TSPAN13: variants seen among roughly 807,000 people sequenced by gnomAD.
The protein encoded by TSPAN13 is tetraspanin-13.
Under a neutral mutation model 26.9 loss-of-function variants are expected in TSPAN13, and 18 were observed. The observed-to-expected ratio is 0.67, with a 90% CI of 0.46 to 0.99. The LOEUF is 0.99. TSPAN13 is among the 50% of genes least tolerant of loss of function. The probability of loss-of-function intolerance (pLI) is 0.00; values close to 1 mark genes in which losing one functional copy is unlikely to be tolerated. For synonymous variants in TSPAN13, 116 were observed against 98.4 expected, an observed-to-expected ratio of 1.18 and a Z score of -1.06; for missense variants, 201 against 249.6, an observed-to-expected ratio of 0.81 and a Z score of 1.31.
chr7:16,779,911 A>G (rs558519158), intron 5 of TSPAN13, among the ~76,000 whole-genome samples: 30 of 151,602 alleles, frequency 2.0e-4, no homozygotes, highest in African/African-American at 5.8e-4. Flanking sequence ...AGCTGGGACT[A>G]CAGGCGCCCG....
chr7:16,781,709 T>A (rs1784815091), intron 5 of TSPAN13, among the ~76,000 whole-genome samples: 2 of 152,148 alleles, frequency 1.3e-5, no homozygotes, highest in African/African-American at 4.8e-5. Flanking sequence ...TCAGCATATA[T>A]CCAGGGGTGA....
chr7:16,773,891 G>A (rs1229358172), intron 1 of TSPAN13, among the ~76,000 whole-genome samples: 1 of 152,150 alleles, frequency 6.6e-6, no homozygotes, highest in Non-Finnish European at 1.5e-5. Context: ...TAGGATATAT[G>A]CATCACACCC....
chr7:16,760,511 C>CA (rs1784531422), intron 1 of TSPAN13, among the ~76,000 whole-genome samples: 1 of 152,038 alleles, frequency 6.6e-6, no homozygotes, highest in Admixed American at 6.5e-5. Context: ...TGAGAGGATT[C>CA]AGTATTGGAC....
rs370383121 is a variant in TSPAN13, at chr7:16,783,517, C to T, written c.*26C>T. 11 of 1,598,748 alleles carry T rather than the reference C, an allele frequency of 6.9e-6. No homozygotes were observed. The highest frequency in any genetic ancestry group is 2.7e-5 in the African/African-American group (2 of 74,792). ...TGAGAAAACAAGGAAGATTTCCTTT[C>T]GTATTATGATCTTGTTCACTTTCTG... On this transcript the variant is annotated 3_prime_UTR_variant, in exon 6 of 6. Coordinates refer to ENST00000262067, the MANE Select transcript of TSPAN13 (RefSeq NM_014399.4).
intron 1 of TSPAN13, among the ~76,000 whole-genome samples, chr7:16,775,369 T>C (rs1784729926): frequency 6.6e-6 from 1 of 152,222 alleles, no homozygotes; most frequent in African/African-American, 2.4e-5. Flanking sequence ...TTTATAAATA[T>C]ATGAATAAAA....
Position 16,756,530 on chromosome 7 carries a change from C to T in TSPAN13, c.63+2500C>T, listed in dbSNP as rs566349935. Among the ~76,000 whole-genome samples the T allele has an allele frequency of 2.0e-4, 31 of 152,244 alleles. No homozygotes were observed. The South Asian group carries it at 2.5e-3, about 12-fold the overall frequency. On this transcript the variant is annotated intron_variant, in intron 1 of 5. Coordinates refer to ENST00000262067, the MANE Select transcript of TSPAN13 (RefSeq NM_014399.4). The stretch of plus-strand genomic sequence containing the variant: ...CTTGCTGATGAGCCTGAGATTCGTG[C>T]CACATTCATGATCAGCTCAGAAAGC...
chr7:16,758,653 T>A (rs1319857366), intron 1 of TSPAN13, among the ~76,000 whole-genome samples: 1 of 152,186 alleles, frequency 6.6e-6, no homozygotes, highest in Non-Finnish European at 1.5e-5. Context: ...GCTAAATATT[T>A]TAAAGCATGA....
At chr7:16,782,139 A>C (rs1017467513) in intron 5 of TSPAN13, among the ~76,000 whole-genome samples, 3 of 152,248 alleles carry the variant, frequency 2.0e-5, no homozygotes, top group Non-Finnish European at 4.4e-5. Flanking sequence ...TTTCATAAAG[A>C]ACTCTTTGTT....
intron 4 of TSPAN13, 69 bp downstream of exon 4, chr7:16,777,980 A>G (rs1247255581): frequency 1.2e-5 from 14 of 1,129,618 alleles, no homozygotes; most frequent in Non-Finnish European, 1.7e-5. Flanking sequence ...TGTGGAAGAA[A>G]TGGACTTTCT....
In TSPAN13 at chr7:16,779,870, C is replaced by G. The variant is rs186011533; in HGVS notation, c.540+754C>G. On this transcript the variant is annotated intron_variant, in intron 5 of 5. Transcript: ENST00000262067. ...CACTGCAAGCTCCGCCTCCCGGGTT[C>G]ACGCTATTCTCCTGTCTCAGCCTCC... Among the ~76,000 whole-genome samples, 1,260 of 151,112 alleles carry G rather than the reference C, an allele frequency of 8.3e-3. 17 individuals are homozygous for G. Among genetic ancestry groups the G allele is most frequent in the African/African-American group, 0.029 (1,186 of 41,168 alleles).
intron 1 of TSPAN13, among the ~76,000 whole-genome samples, chr7:16,770,775 C>T (rs927606634): frequency 1.3e-5 from 2 of 152,156 alleles, no homozygotes; most frequent in Non-Finnish European, 2.9e-5. Context: ...CTTTTCTCCC[C>T]CAAATGCCGT....
At chr7:16,754,058 G>A in intron 1 of TSPAN13, 28 bp downstream of exon 1, 1 of 1,609,166 alleles carries the variant, frequency 6.2e-7, no homozygotes, top group Non-Finnish European at 8.5e-7. Context: ...GTTCCTGCTC[G>A]CTTGGGGGCT....
At chr7:16,768,938 G>A (rs141347533) in intron 1 of TSPAN13, among the ~76,000 whole-genome samples, 2,265 of 152,110 alleles carry the variant, frequency 0.015, 32 homozygotes, top group African/African-American at 0.026. Context: ...GTGCAGTGGC[G>A]TGATCTTGGC....
chr7:16,754,098 C>A, intron 1 of TSPAN13, 68 bp downstream of exon 1: 1 of 1,510,926 alleles, frequency 6.6e-7, no homozygotes. Context: ...CTTTGGCTTC[C>A]CTGCCTGGTC....
intron 4 of TSPAN13, 143 bp from the exon 5 acceptor site, chr7:16,778,860 G>C: frequency 1.7e-6 from 1 of 594,794 alleles, no homozygotes; most frequent in African/African-American, 1.9e-5. Flanking sequence ...CTTGGGGGCT[G>C]TGTTAGAGAT....
chr7:16,760,621 A>G (rs1441073719), intron 1 of TSPAN13, among the ~76,000 whole-genome samples: 2 of 152,178 alleles, frequency 1.3e-5, no homozygotes, highest in African/African-American at 4.8e-5. Context: ...GTGAGGGTAG[A>G]TGGAGAAGGG....
intron 1 of TSPAN13, among the ~76,000 whole-genome samples, chr7:16,759,199 G>A (rs1784514934): frequency 6.6e-6 from 1 of 152,108 alleles, no homozygotes; most frequent in South Asian, 2.1e-4. Flanking sequence ...TGTACGAAAG[G>A]TGTTAGACTG....
intron 1 of TSPAN13, among the ~76,000 whole-genome samples, chr7:16,760,084 G>A (rs1784525556): frequency 6.6e-6 from 1 of 152,180 alleles, no homozygotes; most frequent in African/African-American, 2.4e-5. Flanking sequence ...GGTCAGAGAA[G>A]TCAGGGGTGG....
intron 1 of TSPAN13, among the ~76,000 whole-genome samples, chr7:16,755,578 G>A (rs1007360597): frequency 6.9e-6 from 1 of 145,652 alleles, no homozygotes; most frequent in African/African-American, 2.6e-5. Context: ...TGAGTGGCCT[G>A]CTTGGAACTT....
Sources: gnomAD v4.1 joint callset for allele counts (sites outside exome capture counted in the v4.1 genomes callset) on GRCh38, gnomAD v4.1.1 for gene constraint, MANE v1.5 for transcripts, NCBI Gene and HGNC (gene_info 2026-07-23, HGNC 2026-07-21) for gene names.